Variants in UBL7 observed in about 807,000 individuals in gnomAD.
UBL7 encodes ubiquitin like 7, also known as ubiquitin-like protein 7.
A neutral mutation model predicts 41.7 loss-of-function variants in UBL7; 21 were observed. The ratio of observed to expected loss-of-function variants is 0.50; its 90% CI spans 0.36 to 0.73. UBL7 has a LOEUF of 0.73. UBL7 is among the 30% of genes least tolerant of loss of function. The pLI, the probability that UBL7 is intolerant of heterozygous loss-of-function variation, is 0.00. For synonymous variants in UBL7, 157 were observed against 186.9 expected (o/e 0.84, Z 1.31); for missense variants, 403 against 478.4 (o/e 0.84, Z 1.47).
At chr15:74,454,955 T>A (rs1469894273) in intron 3 of UBL7, among the ~76,000 whole-genome samples, 1 of 152,182 alleles carries the variant, frequency 6.6e-6, no homozygotes, top group Non-Finnish European at 1.5e-5. Context: ...AATGCTCATG[T>A]TTTTGTGTTT....
Position 74,458,767 on chromosome 15 carries a change from G to A in UBL7, c.101C>T (p.Ser34Leu), listed in dbSNP as rs143302368. 2.4e-5 allele frequency: 39 copies of A among 1,613,998 alleles called. No individual in the cohort carries two copies. The highest frequency in any genetic ancestry group is 1.8e-4 in the East Asian group (8 of 44,888). The change falls in exon 2 of 11, where the codon TCG becomes TTG. Residue 34 changes from serine to leucine, a missense_variant. Coordinates refer to ENST00000395081, the MANE Select transcript of UBL7 (RefSeq NM_032907.5). ...AAATGAAATACTATAGCCCCCTAGC[G>A]AGTATTCTCCCAGTTCTGTCTCTGG... ...RLPETELGEY[S>L]LGGYSISFLK... is the part of the protein sequence containing the mutation.
intron 1 of UBL7, among the ~76,000 whole-genome samples, chr15:74,459,598 T>C (rs886872194): frequency 7.9e-5 from 12 of 151,178 alleles, no homozygotes; most frequent in African/African-American, 2.4e-4. Context: ...ATTACAGGCA[T>C]GAGCGACTGC....
chr15:74,447,179 C>A (rs1023532037), intron 10 of UBL7, among the ~76,000 whole-genome samples: 1 of 152,204 alleles, frequency 6.6e-6, no homozygotes, highest in Non-Finnish European at 1.5e-5. Flanking sequence ...TCACTGTCTA[C>A]AAGGACCACA....
intron 2 of UBL7, among the ~76,000 whole-genome samples, chr15:74,457,736 CAAA>C (rs1187527943): frequency 2.7e-5 from 1 of 37,646 alleles, no homozygotes; most frequent in Non-Finnish European, 5.7e-5. Flanking sequence ...GACTCCGTCT[CAAA>C]AAAAAAAAAA....
At position 74,451,544 on chromosome 15, in the gene UBL7, G is replaced by A. The variant is rs1241781902; in HGVS notation, c.388-24C>T. The A allele has an allele frequency of 5.0e-6, 8 of 1,601,384 alleles. No homozygotes were observed. In the East Asian group the frequency reaches 8.9e-5, roughly 18 times the overall value. On this transcript the variant is annotated intron_variant, in intron 4 of 10. Transcript: ENST00000395081. ...ACCTGCAGGAGAAATGGCGGGGGCT[G>A]AGCACTCCAACCAGCTCAATGTACT...
chr15:74,446,366 G>C lies in UBL7; in HGVS notation c.1006-139C>G. 1 of 1,083,656 alleles carries C rather than the reference G, an allele frequency of 9.2e-7. No individual in the cohort carries two copies. The highest frequency in any genetic ancestry group is 1.3e-6 in the Non-Finnish European group (1 of 767,814). The allele number at this position is 1,083,656 out of a possible 1,614,324, so 67.1% of individuals were successfully genotyped here. ...CTGATGCTGAGTTCCACAGAACACGGTGCTTCTAGGAAGACTAAAAGATAG... is the reference window on the plus strand; with the variant it reads ...CTGATGCTGAGTTCCACAGAACACGCTGCTTCTAGGAAGACTAAAAGATAG... On this transcript the variant is annotated intron_variant, in intron 10 of 10. Coordinates refer to ENST00000395081, the MANE Select transcript of UBL7 (RefSeq NM_032907.5). This position sits in a 1 kb window ranked among gnomAD's most constrained non-coding sequence, Gnocchi z 4.1.
chr15:74,449,433 T>C, intron 8 of UBL7, 80 bp from the exon 9 acceptor site: 1 of 1,567,970 alleles, frequency 6.4e-7, no homozygotes, highest in East Asian at 2.3e-5. Context: ...CCAGCAATAG[T>C]TCTTGGGGAA....
chr15:74,448,138 C>G (rs763716983), intron 10 of UBL7, among the ~76,000 whole-genome samples: 1 of 152,222 alleles, frequency 6.6e-6, no homozygotes, highest in Non-Finnish European at 1.5e-5. Context: ...GGGATGAGAA[C>G]CAGCTTGCCA....
At chr15:74,447,063 C>T (rs982757730) in intron 10 of UBL7, among the ~76,000 whole-genome samples, 5 of 152,112 alleles carry the variant, frequency 3.3e-5, no homozygotes, top group Admixed American at 1.3e-4. Flanking sequence ...CCAGGTGGAA[C>T]CAGTGAAAGC....
chr15:74,451,164 G>C (rs1024524130), intron 5 of UBL7, among the ~76,000 whole-genome samples: 3 of 152,116 alleles, frequency 2.0e-5, no homozygotes, highest in African/African-American at 7.2e-5. Context: ...TGTGCAGGAC[G>C]CCTTCCCTGA....
intron 1 of UBL7, among the ~76,000 whole-genome samples, chr15:74,459,632 A>G (rs1376849586): frequency 2.0e-5 from 3 of 151,764 alleles, no homozygotes; most frequent in African/African-American, 7.3e-5. Context: ...CCATCATTCT[A>G]AAACACAGAT....
intron 3 of UBL7, among the ~76,000 whole-genome samples, chr15:74,453,015 G>A (rs1205935077): frequency 6.6e-6 from 1 of 152,000 alleles, no homozygotes; most frequent in Non-Finnish European, 1.5e-5. Flanking sequence ...CCCAGCCCTG[G>A]GTCACACTTT....
chr15:74,446,764 CT>C lies in UBL7; in HGVS notation c.1006-538del, dbSNP rs1383169446. 6.6e-6 allele frequency among the ~76,000 whole-genome samples: 1 copy of C among 152,146 alleles called. No individual in the cohort carries two copies. Among genetic ancestry groups the C allele is most frequent in the African/African-American group, 2.4e-5 (1 of 41,426 alleles). On this transcript the variant is annotated intron_variant, in intron 10 of 10. Transcript: ENST00000395081. The surrounding 1 kb of genome is among the most constrained non-coding windows in gnomAD (Gnocchi z 4.1). ...GCTTTTACAAACCCAAAATGCATAACTTTTATTTAATGGCTCCTGGATACTG... is the reference window on the plus strand; with the variant it reads ...GCTTTTACAAACCCAAAATGCATAACTTTATTTAATGGCTCCTGGATACTG...
chr15:74,451,608 C>G lies in UBL7; in HGVS notation c.388-88G>C. ...CACTCTGCCAAAGGACTTCCTCCCTCTAAGTGCTTGCATGTACATCACCAC... is the reference window on the plus strand; with the variant it reads ...CACTCTGCCAAAGGACTTCCTCCCTGTAAGTGCTTGCATGTACATCACCAC... On this transcript the variant is annotated intron_variant, in intron 4 of 10. Transcript: ENST00000395081. The G allele has an allele frequency of 2.0e-6, 2 of 1,002,522 alleles. 1 individual carries two copies. Among genetic ancestry groups the G allele is most frequent in the East Asian group, 4.8e-5 (2 of 41,556 alleles). 62.1% of individuals were successfully genotyped at this position (1,002,522 alleles called of 1,614,324 possible). A position where few individuals can be genotyped will look rare whatever the true frequency, so the allele number is the denominator to read the frequency against.
rs1321941525 is a variant in UBL7 at position 74,448,558 on chromosome 15, A to G, written c.925T>C (p.Ser309Pro). ...AGATCATTGGTGATGGGCGTCCCTGACTGGACACCAGAGGACATTGGTGAG... is the reference window on the plus strand; with the variant it reads ...AGATCATTGGTGATGGGCGTCCCTGGCTGGACACCAGAGGACATTGGTGAG... The part of the protein sequence containing the change: ...GTSPMSSGVQ[S>P]GTPITNDLFS... The change falls in exon 10 of 11, where the codon TCA (serine) becomes CCA (proline). Residue 309 changes from serine (S) to proline (P), a missense_variant. Coordinates refer to ENST00000395081, the MANE Select transcript of UBL7 (RefSeq NM_032907.5). 3.1e-6 allele frequency: 5 copies of G among 1,613,970 alleles called. No homozygotes were observed. The highest frequency in any genetic ancestry group is 4.2e-6 in the Non-Finnish European group (5 of 1,179,974).
rs544561805 is a variant in UBL7 at position 74,446,841 on chromosome 15, C to T, written c.1006-614G>A. On this transcript the variant is annotated intron_variant, in intron 10 of 10. Transcript: ENST00000395081. The surrounding 1 kb of genome is among the most constrained non-coding windows in gnomAD (Gnocchi z 4.1). ...TACTATAAGGATTTGAAGAAATTCACCCATATTTTCTTCTAGTACTTTCAT... is the reference window on the plus strand; with the variant it reads ...TACTATAAGGATTTGAAGAAATTCATCCATATTTTCTTCTAGTACTTTCAT... Among the ~76,000 whole-genome samples the T allele has an allele frequency of 1.3e-5, 2 of 152,172 alleles. No individual in the cohort carries two copies. The highest frequency in any genetic ancestry group is 2.9e-5 in the Non-Finnish European group (2 of 68,032).
intron 3 of UBL7, among the ~76,000 whole-genome samples, chr15:74,454,848 A>C (rs956509461): frequency 6.6e-6 from 1 of 152,224 alleles, no homozygotes; most frequent in African/African-American, 2.4e-5. Context: ...GAAGGAAGGA[A>C]AACTAGAGCA....
chr15:74,450,118 C>G lies in UBL7; in HGVS notation c.531-49G>C, dbSNP rs889381700. The G allele has an allele frequency of 1.9e-6, 3 of 1,553,988 alleles. No homozygotes were observed. The African/African-American group carries it at 4.1e-5, about 21-fold the overall frequency. ...CCAAGGGTGACTCCAAAAGAGCACC[C>G]TCAGCCATAACAGGAGTTCTGGGTG... On this transcript the variant is annotated intron_variant, in intron 6 of 10. Transcript: ENST00000395081.
intron 3 of UBL7, among the ~76,000 whole-genome samples, chr15:74,454,660 A>G (rs1407061492): frequency 1.3e-5 from 2 of 152,140 alleles, no homozygotes; most frequent in Non-Finnish European, 2.9e-5. Context: ...GGCCTCCCAA[A>G]GTTCTGGGAT....
Sources: gnomAD v4.1 joint callset for allele counts (sites outside exome capture counted in the v4.1 genomes callset) on GRCh38, gnomAD v4.1.1 for gene constraint, Gnocchi (gnomAD v3.1) non-coding constraint, MANE v1.5 for transcripts, NCBI Gene and HGNC (gene_info 2026-07-23, HGNC 2026-07-21) for gene names.